SEPTIN2: variants seen among roughly 807,000 people sequenced by gnomAD.
SEPTIN2 encodes septin 2.
A neutral mutation model predicts 46.5 loss-of-function variants in SEPTIN2; 34 were observed. That is an observed-to-expected ratio of 0.73 (90% confidence interval 0.56 to 0.97). The LOEUF is 0.97. SEPTIN2 is among the 50% of genes least tolerant of loss of function. The pLI, the probability that SEPTIN2 is intolerant of heterozygous loss-of-function variation, is 0.00. For missense variants in SEPTIN2, 347 were observed against 448.4 expected, an observed-to-expected ratio of 0.77 and a Z score of 2.04; for synonymous variants, 175 against 153.4, an observed-to-expected ratio of 1.14 and a Z score of -1.04.
chr2:241,336,105 T>C lies in SEPTIN2; in HGVS notation c.341+7T>C, dbSNP rs1027260699. On this transcript the variant is annotated splice_region_variant and intron_variant, in intron 5 of 12. Transcript: ENST00000391971. The stretch of plus-strand genomic sequence containing the variant: ...CTATCAACTGCAGAGATTGGTATGC[T>C]CCCCCATGCCCAGGGATCTGCATTT... 1 of 1,613,298 alleles carries C rather than the reference T, an allele frequency of 6.2e-7. No individual in the cohort carries two copies. Among genetic ancestry groups the C allele is most frequent in the African/African-American group, 1.3e-5 (1 of 74,910 alleles).
chr2:241,326,112 C>G lies in SEPTIN2; in HGVS notation c.129C>G (p.Val43=). 6.2e-7 allele frequency: 1 copy of G among 1,610,344 alleles called. No homozygotes were observed. The highest frequency in any genetic ancestry group is 8.5e-7 in the Non-Finnish European group (1 of 1,178,232). Residue 43 remains valine (V), a splice_region_variant and synonymous_variant, in exon 3 of 13, where the codon GTC becomes GTG. Transcript: ENST00000391971. The stretch of plus-strand genomic sequence containing the variant: ...GTTTTGAGTTCACACTGATGGTGGT[C>G]GGTAAGAAATTAATCTATAGTCTCC... ...KKGFEFTLMV[V]GESGLGKSTL...
intron 3 of SEPTIN2, among the ~76,000 whole-genome samples, chr2:241,327,325 C>T (rs920673562): frequency 1.3e-5 from 2 of 150,386 alleles, no homozygotes; most frequent in African/African-American, 2.4e-5. Flanking sequence ...AAGATACAAC[C>T]GAAATAAGAA....
At chr2:241,325,864 G>A (rs1474600649) in intron 2 of SEPTIN2, 129 bp from the exon 3 acceptor site, 11 of 743,972 alleles carry the variant, frequency 1.5e-5, no homozygotes, top group Non-Finnish European at 1.4e-5. Context: ...TGACCTTCTG[G>A]AAGTGTTTAT....
At chr2:241,338,459 G>T (rs2080402454) in intron 7 of SEPTIN2, among the ~76,000 whole-genome samples, 2 of 150,686 alleles carry the variant, frequency 1.3e-5, no homozygotes, top group South Asian at 2.1e-4. Context: ...TGAACATACC[G>T]ATCTGTGCGT....
At chr2:241,315,681 C>G (rs555150156), upstream of SEPTIN2, 3 of 152,590 alleles carry the variant, frequency 2.0e-5, no homozygotes, top group Non-Finnish European at 4.4e-5. Flanking sequence ...TTGACCTCCC[C>G]CCCCACCCCC....
chr2:241,318,051 C>T (rs772251395), intron 1 of SEPTIN2, among the ~76,000 whole-genome samples: 3 of 151,596 alleles, frequency 2.0e-5, no homozygotes, highest in Admixed American at 6.6e-5. Context: ...CATAATTCCT[C>T]TTTCACCTTC....
At chr2:241,325,306 C>T (rs533404634) in intron 2 of SEPTIN2, 7 of 152,316 alleles carry the variant, frequency 4.6e-5, no homozygotes, top group Non-Finnish European at 1.0e-4. Flanking sequence ...CTTGCCTTCT[C>T]ATATCTCTGT....
At chr2:241,324,436 G>A (rs992559464) in intron 2 of SEPTIN2, 195 bp downstream of exon 2, 1 of 534,914 alleles carries the variant, frequency 1.9e-6, no homozygotes, top group South Asian at 2.1e-5. Context: ...TCACCAGGCT[G>A]GAGTGCAGTG....
chr2:241,323,709 C>G (rs1423718834), intron 1 of SEPTIN2, among the ~76,000 whole-genome samples: 1 of 152,166 alleles, frequency 6.6e-6, no homozygotes, highest in African/African-American at 2.4e-5. Context: ...TGTAAGCGAG[C>G]TACACCAAAG....
intron 3 of SEPTIN2, among the ~76,000 whole-genome samples, chr2:241,331,729 G>A (rs983599839): frequency 2.6e-5 from 4 of 152,142 alleles, no homozygotes; most frequent in Admixed American, 2.0e-4. Flanking sequence ...AAGCTGATTC[G>A]GAAGTTTAAA....
At chr2:241,347,706 T>A (rs1165380876) in intron 10 of SEPTIN2, among the ~76,000 whole-genome samples, 1 of 152,200 alleles carries the variant, frequency 6.6e-6, no homozygotes, top group Non-Finnish European at 1.5e-5. Context: ...TGTTCCCTTT[T>A]TATTCATTAT....
rs551038149 is a variant in SEPTIN2 at position 241,330,128 on chromosome 2, A to C, written c.130+4015A>C. Among the ~76,000 whole-genome samples, 15 of 152,288 alleles carry C rather than the reference A, an allele frequency of 9.8e-5. 1 individual carries two copies. The South Asian group carries it at 3.1e-3, about 32-fold the overall frequency. On this transcript the variant is annotated intron_variant, in intron 3 of 12. Transcript: ENST00000391971. Reference sequence around the variant, plus strand: ...TACACGAGCTAGACATGGACATCTTAATTAAATCTTACCGAGTCCAGCAAT... The same window carrying C: ...TACACGAGCTAGACATGGACATCTTCATTAAATCTTACCGAGTCCAGCAAT...
intron 4 of SEPTIN2, chr2:241,335,663 A>G (rs2079835829): frequency 5.3e-6 from 3 of 568,024 alleles, no homozygotes; most frequent in Admixed American, 3.2e-5. Flanking sequence ...TGCTGCAAGA[A>G]TATGTAGCCC....
At chr2:241,335,346 T>G in intron 4 of SEPTIN2, 134 bp downstream of exon 4, 2 of 1,553,048 alleles carry the variant, frequency 1.3e-6, no homozygotes, top group Non-Finnish European at 1.7e-6. Context: ...AAAACACTTT[T>G]ATGGGGTAGG....
intron 3 of SEPTIN2, among the ~76,000 whole-genome samples, chr2:241,331,947 GAAAA>G (rs35958964): frequency 2.6e-5 from 4 of 152,038 alleles, no homozygotes; most frequent in Non-Finnish European, 4.4e-5. Flanking sequence ...CGTTTTTTGA[GAAAA>G]AAGCCAAGTT....
In SEPTIN2 at chr2:241,318,592, C is replaced by A. The variant is rs546233221; in HGVS notation, c.-18+2610C>A. ...TGTTGTAAATGATGTGCCCCCATTT[C>A]TATTCCTTGATATTTGTTGCTGGTA... is the stretch of plus-strand genomic sequence containing the variant. On this transcript the variant is annotated intron_variant, in intron 1 of 12. Transcript: ENST00000391971. 7.9e-5 allele frequency among the ~76,000 whole-genome samples: 12 copies of A among 152,054 alleles called. No individual in the cohort carries two copies. The South Asian group carries it at 2.3e-3, about 29-fold the overall frequency.
rs13419179 is a variant in SEPTIN2, at chr2:241,349,385, T to A, written c.985-688T>A. On this transcript the variant is annotated intron_variant, in intron 11 of 12. Coordinates refer to ENST00000391971, the MANE Select transcript of SEPTIN2 (RefSeq NM_004404.5). The stretch of plus-strand genomic sequence containing the variant: ...TCCCATCCCTTTAAAAAAAAAAAAA[T>A]ATATATATATGTATATGTATGTATA... Among the ~76,000 whole-genome samples, 582 of 145,296 alleles carry A rather than the reference T, an allele frequency of 4.0e-3. 3 individuals carry two copies. The highest frequency in any genetic ancestry group is 7.0e-3 in the Middle Eastern group (2 of 284).
intron 3 of SEPTIN2, among the ~76,000 whole-genome samples, chr2:241,333,274 G>C (rs1435129242): frequency 1.3e-5 from 2 of 152,130 alleles, no homozygotes; most frequent in African/African-American, 4.8e-5. Flanking sequence ...GTAAATGAGA[G>C]ACTATTGAAG....
At chr2:241,345,409 G>A (rs1984598) in intron 9 of SEPTIN2, among the ~76,000 whole-genome samples, 25,551 of 151,796 alleles carry the variant, frequency 0.17, 2,613 homozygotes, top group Admixed American at 0.35. Context: ...TATTGAGGGG[G>A]GTGTAGAGGC....
Sources: gnomAD v4.1 joint callset for allele counts (sites outside exome capture counted in the v4.1 genomes callset) on GRCh38, gnomAD v4.1.1 for gene constraint, MANE v1.5 for transcripts, NCBI Gene and HGNC (gene_info 2026-07-23, HGNC 2026-07-21) for gene names.